Variants in LTN1 observed in about 807,000 individuals in gnomAD.
LTN1 encodes the protein E3 ubiquitin-protein ligase listerin.
In LTN1, 88 loss-of-function variants were observed where a neutral mutation model predicts 201.2. The observed-to-expected ratio is 0.44, with a 90% CI of 0.37 to 0.52. The LOEUF is 0.52. Ranked by LOEUF, LTN1 falls within the 20% of genes least tolerant of loss-of-function variation. The probability of loss-of-function intolerance (pLI) is 0.00; values close to 1 mark genes in which losing one functional copy is unlikely to be tolerated. For missense variants in LTN1, 1,752 were observed against 2,038.7 expected, an observed-to-expected ratio of 0.86 and a Z score of 2.71; for synonymous variants, 645 against 713.5, an observed-to-expected ratio of 0.90 and a Z score of 1.53.
intron 4 of LTN1, among the ~76,000 whole-genome samples, chr21:28,982,880 T>G (rs549364522): frequency 6.6e-6 from 1 of 152,276 alleles, no homozygotes; most frequent in Non-Finnish European, 1.5e-5. Flanking sequence ...AGCTTTTGCA[T>G]GTGCCAGGTA....
intron 11 of LTN1, chr21:28,964,634 AAGG>A (rs780675371): frequency 3.1e-4 from 484 of 1,550,100 alleles, no homozygotes; most frequent in Non-Finnish European, 4.1e-4. Context: ...GCCTAGCTGT[AAGG>A]AGATGAGGAG....
intron 28 of LTN1, 58 bp from the exon 29 acceptor site, chr21:28,931,380 A>C (rs377270721): frequency 1.6e-5 from 16 of 975,006 alleles, no homozygotes; most frequent in Middle Eastern, 2.3e-4. Flanking sequence ...TTTTATTTTT[A>C]TTCAATTTCA....
At chr21:28,987,071 A>G (rs2084704312) in intron 1 of LTN1, 137 bp from the exon 2 acceptor site, 1 of 612,836 alleles carries the variant, frequency 1.6e-6, no homozygotes, top group Non-Finnish European at 2.8e-6. Context: ...AATTTCATCT[A>G]TTGCAAAGTT....
Position 28,992,825 on chromosome 21 carries a change from C to T in LTN1, c.-20G>A, listed in dbSNP as rs1189507305. On this transcript the variant is annotated 5_prime_UTR_variant, in exon 1 of 30. Coordinates refer to ENST00000361371, the MANE Select transcript of LTN1 (RefSeq NM_015565.3). ...GCCCATGGTCGCGGTTGCAGCTGTA[C>T]TCTGAGCACTCAGACCCCGGTTGAC... 6.2e-7 allele frequency: 1 copy of T among 1,614,216 alleles called. No individual in the cohort carries two copies. Among genetic ancestry groups the T allele is most frequent in the Admixed American group, 1.7e-5 (1 of 60,024 alleles).
At chr21:28,982,191 T>A in intron 5 of LTN1, 125 bp downstream of exon 5, 1 of 746,762 alleles carries the variant, frequency 1.3e-6, no homozygotes, top group Non-Finnish European at 2.2e-6. Flanking sequence ...CAATCCAGCC[T>A]GGGTGACAGA....
intron 1 of LTN1, among the ~76,000 whole-genome samples, chr21:28,988,141 CA>C (rs1271726378): frequency 0.014 from 1,119 of 77,920 alleles, 31 homozygotes; most frequent in African/African-American, 0.058. Context: ...GACTCTGTCT[CA>C]AAAAAAAAAA....
rs113562906 is a variant in LTN1 at position 28,977,373 on chromosome 21, C to CA, written c.810+3745dup. Among the ~76,000 whole-genome samples, 319 of 102,460 alleles carry CA rather than the reference C, an allele frequency of 3.1e-3. 1 individual carries two copies. Among genetic ancestry groups the CA allele is most frequent in the African/African-American group, 7.8e-3 (225 of 28,834 alleles). The allele number at this position is 102,460 out of a possible 152,430, so 67.2% of individuals were successfully genotyped here. A position where few individuals can be genotyped will look rare whatever the true frequency, so the allele number is the denominator to read the frequency against. ...TGGGCAACAGAGTGAGACTCCATCT[C>CA]AAAAAAAAAAAAAAAAAGAATACAA... On this transcript the variant is annotated intron_variant, in intron 6 of 29. Coordinates refer to ENST00000361371, the MANE Select transcript of LTN1 (RefSeq NM_015565.3).
At position 28,928,852 on chromosome 21, in the gene LTN1, A is replaced by T. The variant is rs1464488493; in HGVS notation, c.*1596T>A. On this transcript the variant is annotated 3_prime_UTR_variant, in exon 30 of 30. Coordinates refer to ENST00000361371, the MANE Select transcript of LTN1 (RefSeq NM_015565.3). ...TTTTAAACAGTCTTATTATAAAACC[A>T]TTTTTAAAGGAAAAGTAATAACTTT... 1 of 152,528 alleles carries T rather than the reference A, an allele frequency of 6.6e-6. No homozygotes were observed. Among genetic ancestry groups the T allele is most frequent in the Non-Finnish European group, 1.5e-5 (1 of 67,984 alleles). The allele number at this position is 152,528 out of a possible 1,614,324, so 9.4% of individuals were successfully genotyped here.
intron 4 of LTN1, among the ~76,000 whole-genome samples, chr21:28,982,745 C>A (rs1414512067): frequency 1.3e-5 from 2 of 152,188 alleles, no homozygotes; most frequent in Non-Finnish European, 2.9e-5. Flanking sequence ...TGCTCTGCTC[C>A]ATCACAGAGG....
chr21:28,981,510 C>A lies in LTN1; in HGVS notation c.630-211G>T, dbSNP rs146714149. 1.4e-3 allele frequency among the ~76,000 whole-genome samples: 209 copies of A among 152,102 alleles called. 1 individual carries two copies. The highest frequency in any genetic ancestry group is 4.8e-3 in the African/African-American group (199 of 41,488). On this transcript the variant is annotated intron_variant, in intron 5 of 29. Coordinates refer to ENST00000361371, the MANE Select transcript of LTN1 (RefSeq NM_015565.3). ...ACTACTAATACAAGGTGAAAGTAGA[C>A]GAAAAGCCAAGGCTTGCAATAAGTG...
Position 28,964,830 on chromosome 21 carries a change from C to T in LTN1, c.2163+1035G>A, listed in dbSNP as rs1000273739. On this transcript the variant is annotated intron_variant, in intron 11 of 29. Transcript: ENST00000361371. ...ATTATTTGCACCCCCTGCTCTGAAT[C>T]AAGGCTTATCAAGGAGCTTTCTGAT... The T allele has an allele frequency of 5.5e-6, 8 of 1,445,316 alleles. No individual in the cohort carries two copies. In the East Asian group the frequency reaches 2.1e-4, roughly 37 times the overall value. 89.5% of individuals were successfully genotyped at this position (1,445,316 alleles called of 1,614,324 possible). A position where few individuals can be genotyped will look rare whatever the true frequency, so the allele number is the denominator to read the frequency against.
At chr21:28,933,677 CTTT>C (rs369698319) in intron 27 of LTN1, among the ~76,000 whole-genome samples, 6 of 135,694 alleles carry the variant, frequency 4.4e-5, no homozygotes, top group South Asian at 2.4e-4. Flanking sequence ...CTCTCTCTCT[CTTT>C]TTTTTTTTTT....
At position 28,929,982 on chromosome 21, in the gene LTN1, A is replaced by G. The variant is rs1179689612; in HGVS notation, c.*466T>C. On this transcript the variant is annotated 3_prime_UTR_variant, in exon 30 of 30. Coordinates refer to ENST00000361371, the MANE Select transcript of LTN1 (RefSeq NM_015565.3). ...AATAATCTACAAATATCAGAATACT[A>G]ATTTATTGTCATAACTAATAAATAA... 1.3e-5 allele frequency: 2 copies of G among 152,344 alleles called. No homozygotes were observed. The highest frequency in any genetic ancestry group is 4.8e-5 in the African/African-American group (2 of 41,448). 9.4% of individuals were successfully genotyped at this position (152,344 alleles called of 1,614,324 possible). A position where few individuals can be genotyped will look rare whatever the true frequency, so the allele number is the denominator to read the frequency against.
At position 28,958,451 on chromosome 21, in the gene LTN1, G is replaced by T; in HGVS notation, c.2682C>A (p.Thr894=). Residue 894 remains threonine, a synonymous_variant, in exon 14 of 30, where the codon ACC becomes ACA. Coordinates refer to ENST00000361371, the MANE Select transcript of LTN1 (RefSeq NM_015565.3). ...GCCACAGAGCAGACAAATGTAGGAA[G>T]GTACTCTCTTTATATGAACTGTCAG... is the stretch of plus-strand genomic sequence containing the variant. ...HQTDSSYKES[T]FLHLSALWLK... 1.2e-6 allele frequency: 2 copies of T among 1,611,558 alleles called. No homozygotes were observed. The highest frequency in any genetic ancestry group is 1.7e-6 in the Non-Finnish European group (2 of 1,178,868).
chr21:28,981,173 C>T lies in LTN1; in HGVS notation c.756G>A (p.Lys252=). The part of the protein sequence containing the change: ...NELDSLEEKF[K]SLLSQNKFWK... ...AAAACTTATTCTGTGATAAAAGAGACTTAAATTTCTCCTCCAGAGAATCAA... is the reference window on the plus strand; with the variant it reads ...AAAACTTATTCTGTGATAAAAGAGATTTAAATTTCTCCTCCAGAGAATCAA... Residue 252 remains lysine (K), a synonymous_variant, in exon 6 of 30, where the codon AAG becomes AAA. Transcript: ENST00000361371. 1.3e-6 allele frequency: 2 copies of T among 1,596,462 alleles called. No homozygotes were observed. Among genetic ancestry groups the T allele is most frequent in the African/African-American group, 1.4e-5 (1 of 74,040 alleles).
intron 14 of LTN1, 39 bp downstream of exon 14, chr21:28,958,347 T>C: frequency 2.5e-6 from 4 of 1,574,164 alleles, no homozygotes; most frequent in Non-Finnish European, 3.4e-6. Context: ...ACTGTTCAAG[T>C]ATAAAAGAGA....
At chr21:28,945,764 T>C (rs2084332023) in intron 21 of LTN1, 43 bp downstream of exon 21, 1 of 1,563,660 alleles carries the variant, frequency 6.4e-7, no homozygotes, top group East Asian at 2.3e-5. Context: ...CAAAAGTATG[T>C]ACAAAAACCC....
intron 14 of LTN1, 85 bp downstream of exon 14, chr21:28,958,301 G>A: frequency 3.2e-6 from 4 of 1,256,612 alleles, no homozygotes; most frequent in Non-Finnish European, 4.4e-6. Flanking sequence ...ATTTTTCATA[G>A]GCACTCACAC....
intron 6 of LTN1, among the ~76,000 whole-genome samples, chr21:28,975,446 T>C (rs2084607512): frequency 6.6e-6 from 1 of 152,130 alleles, no homozygotes; most frequent in Non-Finnish European, 1.5e-5. Context: ...ATGAGAAACC[T>C]CTATTCCAGA....
Sources: gnomAD v4.1 joint callset for allele counts (sites outside exome capture counted in the v4.1 genomes callset) on GRCh38, gnomAD v4.1.1 for gene constraint, MANE v1.5 for transcripts, NCBI Gene and HGNC (gene_info 2026-07-23, HGNC 2026-07-21) for gene names.